Variants in SLC9A2 observed in about 807,000 individuals in gnomAD.
SLC9A2 encodes solute carrier family 9 member A2.
In SLC9A2, 42 loss-of-function variants were observed where a neutral mutation model predicts 71.7. The ratio of observed to expected loss-of-function variants is 0.59; its 90% confidence interval spans 0.46 to 0.76. The LOEUF (loss-of-function observed/expected upper bound fraction) is 0.76. SLC9A2 is among the 30% of genes least tolerant of loss of function. The pLI, the probability that SLC9A2 is intolerant of heterozygous loss-of-function variation, is 0.00. For synonymous variants in SLC9A2, 396 were observed against 392.5 expected, an observed-to-expected ratio of 1.01 and a Z score of -0.10; for missense variants, 829 against 1,017.4, an observed-to-expected ratio of 0.81 and a Z score of 2.52.
At chr2:102,621,352 GAAAA>G (rs768118079) in intron 1 of SLC9A2, among the ~76,000 whole-genome samples, 10 of 109,534 alleles carry the variant, frequency 9.1e-5, no homozygotes, top group South Asian at 6.3e-4. Context: ...TTGTCTCAGG[GAAAA>G]AAAAAAAAAA....
intron 3 of SLC9A2, among the ~76,000 whole-genome samples, chr2:102,681,212 G>A (rs1349424396): frequency 6.6e-6 from 1 of 152,198 alleles, no homozygotes; most frequent in East Asian, 1.9e-4. Context: ...TTAAGAACTT[G>A]GAAAGGGTGA....
intron 5 of SLC9A2, among the ~76,000 whole-genome samples, chr2:102,690,537 G>C (rs1289572625): frequency 6.6e-6 from 1 of 152,120 alleles, no homozygotes; most frequent in Non-Finnish European, 1.5e-5. Flanking sequence ...GGAGACTGAT[G>C]GTACAGGAGA....
chr2:102,619,963 G>A lies in SLC9A2; in HGVS notation c.115G>A (p.Ala39Thr), dbSNP rs771083625. Residue 39 changes from alanine (A) to threonine (T), a missense_variant, in exon 1 of 12, where the codon GCG becomes ACG. Physicochemically the swap from Ala to Thr is moderately conservative, Grantham distance 58. Around this residue, in one of 3 missense-constraint regions of SLC9A2, gnomAD observed 106 missense variants for 93.5 expected, o/e 1.13. Coordinates refer to ENST00000233969, the MANE Select transcript of SLC9A2 (RefSeq NM_003048.6). This position sits in a 1 kb window ranked among gnomAD's most constrained non-coding sequence, Gnocchi z 4.3. ...CGCCCTGGCGGAGACCTTGCTGAAC[G>A]CGCCGAGGGCCATGGGCACCAGTTC... is the stretch of plus-strand genomic sequence containing the variant. ...VGALAETLLN[A>T]PRAMGTSSSP... 1.9e-6 allele frequency: 3 copies of A among 1,612,522 alleles called. No individual in the cohort carries two copies. The highest frequency in any genetic ancestry group is 1.7e-5 in the Admixed American group (1 of 59,924).
chr2:102,664,445 GCACA>G (rs58155284), intron 2 of SLC9A2, among the ~76,000 whole-genome samples: 2,203 of 147,928 alleles, frequency 0.015, 50 homozygotes, highest in African/African-American at 0.045. Flanking sequence ...TTCAGCAGAT[GCACA>G]CACACACACA....
chr2:102,661,849 A>C (rs755230333), intron 2 of SLC9A2, among the ~76,000 whole-genome samples: 3 of 152,210 alleles, frequency 2.0e-5, no homozygotes, highest in Non-Finnish European at 4.4e-5. Context: ...CACATACATA[A>C]TATATACACA....
Position 102,701,130 on chromosome 2 carries a change from G to C in SLC9A2, c.1647G>C (p.Lys549Asn). ...RKLLIRENQP[K>N]SSIVSLYKKL... is the part of the protein sequence containing the mutation. ...TTTTGATTCGGGAAAACCAACCAAA[G>C]TCAAGTATTGTATCTTTATATAAAA... The change falls in exon 8 of 12, where the codon AAG (lysine) becomes AAC (asparagine). Residue 549 changes from lysine (K) to asparagine (N), a missense_variant. Physicochemically the swap from Lys to Asn is moderately conservative, Grantham distance 94 (BLOSUM62 0). Coordinates refer to ENST00000233969, the MANE Select transcript of SLC9A2 (RefSeq NM_003048.6). 1 of 1,610,836 alleles carries C rather than the reference G, an allele frequency of 6.2e-7. No homozygotes were observed. The highest frequency in any genetic ancestry group is 8.5e-7 in the Non-Finnish European group (1 of 1,178,652).
intron 6 of SLC9A2, 90 bp downstream of exon 6, chr2:102,694,593 G>A (rs1242833970): frequency 1.4e-5 from 8 of 566,574 alleles, no homozygotes; most frequent in Non-Finnish European, 6.0e-6. Flanking sequence ...TCCATTTCCT[G>A]AAGAAGAAGG....
At chr2:102,642,424 T>A (rs1676601372) in intron 1 of SLC9A2, among the ~76,000 whole-genome samples, 1 of 133,060 alleles carries the variant, frequency 7.5e-6, no homozygotes, top group Non-Finnish European at 1.6e-5. Context: ...TCAATTGATA[T>A]AATCGTGTGG....
intron 2 of SLC9A2, among the ~76,000 whole-genome samples, chr2:102,658,739 C>T (rs1327925185): frequency 6.6e-6 from 1 of 152,030 alleles, no homozygotes; most frequent in Non-Finnish European, 1.5e-5. Flanking sequence ...GAATTTACTT[C>T]TACCCTGCCT....
In SLC9A2 at chr2:102,704,617, G is replaced by A. The variant is rs144961744; in HGVS notation, c.1919G>A (p.Arg640Gln). ...ERQAKEILIR[R>Q]RHSLRESIRK... Reference sequence around the variant, plus strand: ...CAAGCCAAGGAGATTCTGATTCGCCGGCGACACAGTTTGCGAGAAAGCATT... The same window carrying A: ...CAAGCCAAGGAGATTCTGATTCGCCAGCGACACAGTTTGCGAGAAAGCATT... The change falls in exon 10 of 12, where the codon CGG (arginine) becomes CAG (glutamine). Residue 640 changes from arginine (R) to glutamine (Q), a missense_variant. Around this residue, in one of 3 missense-constraint regions of SLC9A2, gnomAD observed 500 missense variants for 726.3 expected, o/e 0.69. Transcript: ENST00000233969. The A allele has an allele frequency of 9.9e-6, 16 of 1,613,532 alleles. No homozygotes were observed. Among genetic ancestry groups the A allele is most frequent in the Admixed American group, 3.3e-5 (2 of 59,992 alleles).
At chr2:102,686,196 G>A (rs1677542588) in intron 5 of SLC9A2, among the ~76,000 whole-genome samples, 1 of 152,122 alleles carries the variant, frequency 6.6e-6, no homozygotes. Context: ...ATAACTCTAG[G>A]AATCATGGTT....
intron 1 of SLC9A2, among the ~76,000 whole-genome samples, chr2:102,653,728 A>C (rs1676878749): frequency 6.6e-6 from 1 of 152,240 alleles, no homozygotes; most frequent in East Asian, 1.9e-4. Flanking sequence ...GGTCAGTGAA[A>C]GGAAAGAAAA....
intron 5 of SLC9A2, among the ~76,000 whole-genome samples, chr2:102,687,058 C>A (rs1013534904): frequency 2.6e-5 from 4 of 152,184 alleles, no homozygotes; most frequent in African/African-American, 9.7e-5. Context: ...GGCAGTCTTT[C>A]CTCTTATTAG....
Position 102,665,682 on chromosome 2 carries a change from G to A in SLC9A2, c.1004+332G>A, listed in dbSNP as rs377667192. ...CCAGCTACTCGGGAGGCTGAGGCAG[G>A]AGGATGGCATGAACCCGGGAGGCGG... On this transcript the variant is annotated intron_variant, in intron 3 of 11. Transcript: ENST00000233969. Among the ~76,000 whole-genome samples the A allele has an allele frequency of 8.9e-5, 13 of 146,836 alleles. No homozygotes were observed. The South Asian group carries it at 2.9e-3, about 33-fold the overall frequency.
At chr2:102,631,995 G>GATATATAT (rs59553931) in intron 1 of SLC9A2, among the ~76,000 whole-genome samples, 6 of 43,224 alleles carry the variant, frequency 1.4e-4, no homozygotes, top group Non-Finnish European at 2.4e-4. Context: ...TGAAAGTGGG[G>GATATATAT]ATATATATAT....
chr2:102,632,881 A>C (rs547236654), intron 1 of SLC9A2, among the ~76,000 whole-genome samples: 1 of 152,288 alleles, frequency 6.6e-6, no homozygotes, highest in Non-Finnish European at 1.5e-5. Flanking sequence ...TGTTTAGAAA[A>C]TCACAGGGCA....
chr2:102,695,193 T>C, intron 7 of SLC9A2, 80 bp downstream of exon 7: 1 of 1,010,728 alleles, frequency 9.9e-7, no homozygotes, highest in East Asian at 2.4e-5. Context: ...TGTATTATTT[T>C]TTAATTGGAA....
chr2:102,694,504 G>A lies in SLC9A2; in HGVS notation c.1515+1G>A. The A allele has an allele frequency of 4.7e-6, 7 of 1,496,468 alleles. No individual in the cohort carries two copies. Among genetic ancestry groups the A allele is most frequent in the Non-Finnish European group, 6.4e-6 (7 of 1,094,256 alleles). 92.7% of individuals were successfully genotyped at this position (1,496,468 alleles called of 1,614,324 possible). A position where few individuals can be genotyped will look rare whatever the true frequency, so the allele number is the denominator to read the frequency against. On this transcript the variant is annotated splice_donor_variant, in intron 6 of 11. Transcript: ENST00000233969. LOFTEE classifies it high-confidence loss of function. The stretch of plus-strand genomic sequence containing the variant: ...TGTCAGTGAAGAAATCTATTGTCGG[G>A]TAGGTGTTAAGAGAGTGTAATAATT...
chr2:102,683,657 A>G (rs528167395), intron 4 of SLC9A2, among the ~76,000 whole-genome samples, 179 bp downstream of exon 4: 1 of 148,904 alleles, frequency 6.7e-6, no homozygotes, highest in African/African-American at 2.5e-5. Context: ...TTTCTCTCCT[A>G]TATCCTCCTC....
Sources: allele counts gnomAD v4.1 joint callset (sites outside exome capture counted in the v4.1 genomes callset), GRCh38; gene constraint gnomAD v4.1.1; regional missense constraint gnomAD v4.1.1; non-coding constraint Gnocchi (gnomAD v3.1); transcripts MANE v1.5; gene names NCBI Gene and HGNC (gene_info 2026-07-23, HGNC 2026-07-21).